SEMA3A: variants seen among roughly 807,000 people sequenced by gnomAD.
The protein encoded by SEMA3A is semaphorin 3A, also known as semaphorin-3A.
A neutral mutation model predicts 97.9 loss-of-function variants in SEMA3A; 29 were observed. The ratio of observed to expected loss-of-function variants is 0.30; its 90% CI spans 0.22 to 0.40. SEMA3A has a LOEUF of 0.40. Ranked by LOEUF, SEMA3A falls within the 10% of genes least tolerant of loss-of-function variation. SEMA3A has a pLI of 1.00. For missense variants in SEMA3A, 763 were observed against 951.3 expected (o/e 0.80, Z 2.60); for synonymous variants, 321 against 323.7 (o/e 0.99, Z 0.09).
Position 84,193,917 on chromosome 7 carries a change from AT to A in SEMA3A, c.112+557del, listed in dbSNP as rs1798128270. On this transcript the variant is annotated intron_variant, in intron 1 of 16. Coordinates refer to ENST00000265362, the MANE Select transcript of SEMA3A (RefSeq NM_006080.3). Reference sequence around the variant, plus strand: ...GCCAAATACAGTCTTTTGTACAATCATAAGGCACTGTGGAAAAACTAGTCTG... The same window carrying A: ...GCCAAATACAGTCTTTTGTACAATCAAAGGCACTGTGGAAAAACTAGTCTG... Among the ~76,000 whole-genome samples the A allele has an allele frequency of 9.8e-5, 15 of 152,308 alleles. 1 individual carries two copies. The South Asian group carries it at 2.7e-3, about 27-fold the overall frequency.
intron 3 of SEMA3A, among the ~76,000 whole-genome samples, chr7:84,252,668 AG>A (rs1323686082): frequency 6.6e-6 from 1 of 152,204 alleles, no homozygotes; most frequent in Non-Finnish European, 1.5e-5. Flanking sequence ...GAATATTAAA[AG>A]CTTCCGCTAT....
intron 9 of SEMA3A, among the ~76,000 whole-genome samples, chr7:84,009,542 G>C (rs1382271477): frequency 6.6e-6 from 1 of 152,038 alleles, no homozygotes; most frequent in African/African-American, 2.4e-5. Flanking sequence ...TACTTTTCCT[G>C]ACTTTCGATT....
chr7:84,305,198 A>C (rs571646308), intron 3 of SEMA3A, among the ~76,000 whole-genome samples: 1 of 151,560 alleles, frequency 6.6e-6, no homozygotes, highest in African/African-American at 2.4e-5. Flanking sequence ...TTCAAAACTC[A>C]CTTGATATGT....
At chr7:84,107,339 A>C (rs1562786873) in intron 4 of SEMA3A, among the ~76,000 whole-genome samples, 1 of 152,332 alleles carries the variant, frequency 6.6e-6, no homozygotes, top group East Asian at 1.9e-4. Flanking sequence ...AATTTGATGT[A>C]GTCTAGACAA....
chr7:84,178,565 T>C (rs1797645271), intron 1 of SEMA3A, among the ~76,000 whole-genome samples: 1 of 152,044 alleles, frequency 6.6e-6, no homozygotes, highest in Non-Finnish European at 1.5e-5. Flanking sequence ...CTCAAATCTC[T>C]CTGATTCCTA....
chr7:83,997,070 G>A (rs1184670635), intron 12 of SEMA3A, among the ~76,000 whole-genome samples: 1 of 152,098 alleles, frequency 6.6e-6, no homozygotes, highest in East Asian at 1.9e-4. Context: ...GTGTAGCACT[G>A]GTTTTAATTC....
rs1246259923 is a variant in SEMA3A at position 84,185,964 on chromosome 7, C to A, written c.112+8511G>T. ...GTCCTCACAAGTAGGTGTCACTTGT[C>A]CCTCCTGATCTCACTGTCAGTCAAA... is the stretch of plus-strand genomic sequence containing the variant. On this transcript the variant is annotated intron_variant, in intron 1 of 16. Coordinates refer to ENST00000265362, the MANE Select transcript of SEMA3A (RefSeq NM_006080.3). Among the ~76,000 whole-genome samples the A allele has an allele frequency of 2.0e-5, 3 of 152,110 alleles. No homozygotes were observed. The East Asian group carries it at 5.8e-4, about 29-fold the overall frequency.
chr7:84,036,630 C>A (rs910298650), intron 6 of SEMA3A, among the ~76,000 whole-genome samples: 4 of 151,902 alleles, frequency 2.6e-5, no homozygotes, highest in African/African-American at 9.7e-5. Context: ...TACTGAAAAT[C>A]AAAAATTTAA....
At chr7:84,403,644 C>A (rs1439639718) in intron 1 of SEMA3A, among the ~76,000 whole-genome samples, 2 of 152,156 alleles carry the variant, frequency 1.3e-5, no homozygotes, top group Non-Finnish European at 2.9e-5. Flanking sequence ...GAGGCACCCC[C>A]AGTAGGGGCG....
intron 2 of SEMA3A, among the ~76,000 whole-genome samples, chr7:84,321,789 T>C (rs562423076): frequency 7.0e-6 from 1 of 143,122 alleles, no homozygotes; most frequent in South Asian, 2.2e-4. Context: ...GGCAGGTGAA[T>C]CGTGTGAACC....
At chr7:84,031,431 C>T (rs1222929542) in intron 6 of SEMA3A, among the ~76,000 whole-genome samples, 1 of 152,090 alleles carries the variant, frequency 6.6e-6, no homozygotes, top group Non-Finnish European at 1.5e-5. Flanking sequence ...ATACATGAGT[C>T]AAAGATAAAC....
chr7:84,229,039 C>T (rs2116351819), intron 3 of SEMA3A, among the ~76,000 whole-genome samples: 1 of 152,104 alleles, frequency 6.6e-6, no homozygotes, highest in East Asian at 1.9e-4. Context: ...GATTGTCTTT[C>T]ATATCTCCTT....
In SEMA3A at chr7:83,958,617, T is replaced by G. The variant is rs1445834269; in HGVS notation, c.*2754A>C. The G allele has an allele frequency of 6.6e-6, 1 of 152,502 alleles. No homozygotes were observed. Among genetic ancestry groups the G allele is most frequent in the African/African-American group, 2.4e-5 (1 of 41,446 alleles). The allele number at this position is 152,502 out of a possible 1,614,324, so 9.4% of individuals were successfully genotyped here. On this transcript the variant is annotated 3_prime_UTR_variant, in exon 17 of 17. Transcript: ENST00000265362. ...TGTTGAACACATTGAAATGGAGTAC[T>G]TATAGAAAGTTTTATTTTACACTGT...
intron 1 of SEMA3A, among the ~76,000 whole-genome samples, chr7:84,380,858 A>G (rs562534232): frequency 5.3e-5 from 8 of 152,310 alleles, no homozygotes; most frequent in South Asian, 2.1e-4. Flanking sequence ...TTTCTCATGC[A>G]GTCATCTCCC....
intron 1 of SEMA3A, among the ~76,000 whole-genome samples, chr7:84,378,085 T>C (rs942225185): frequency 9.2e-5 from 14 of 152,162 alleles, no homozygotes; most frequent in African/African-American, 3.4e-4. Context: ...GTAATGGTAA[T>C]TTCAATCTCA....
intron 2 of SEMA3A, among the ~76,000 whole-genome samples, chr7:84,317,239 T>A (rs1157171917): frequency 1.3e-5 from 2 of 152,174 alleles, no homozygotes; most frequent in Admixed American, 6.6e-5. Flanking sequence ...GTTAGTACAG[T>A]AAAACTGAGA....
intron 3 of SEMA3A, among the ~76,000 whole-genome samples, chr7:84,227,700 A>T (rs528003309): frequency 8.5e-5 from 13 of 152,176 alleles, no homozygotes; most frequent in African/African-American, 2.9e-4. Flanking sequence ...TTATTTCTTT[A>T]CTATGTAGGA....
At chr7:84,159,568 A>G (rs192178301) in intron 1 of SEMA3A, among the ~76,000 whole-genome samples, 2 of 152,306 alleles carry the variant, frequency 1.3e-5, no homozygotes, top group African/African-American at 4.8e-5. Flanking sequence ...TACTTCCAAG[A>G]GAGCTAACAT....
chr7:84,490,912 C>T (rs1389686374), intron 1 of SEMA3A, among the ~76,000 whole-genome samples: 2 of 152,126 alleles, frequency 1.3e-5, no homozygotes, highest in East Asian at 1.9e-4. Context: ...TAGAATCTCT[C>T]CCTGTAGGGG....
Sources: gnomAD v4.1 joint callset for allele counts (sites outside exome capture counted in the v4.1 genomes callset) on GRCh38, gnomAD v4.1.1 for gene constraint, MANE v1.5 for transcripts, NCBI Gene and HGNC (gene_info 2026-07-23, HGNC 2026-07-21) for gene names.